Variants in SARDH observed in about 807,000 individuals in gnomAD.
SARDH encodes the protein sarcosine dehydrogenase, also known as sarcosine dehydrogenase, mitochondrial.
In SARDH, 95 loss-of-function variants were observed where a neutral mutation model predicts 109.1. The observed-to-expected ratio is 0.87, with a 90% CI of 0.74 to 1.03. The LOEUF (loss-of-function observed/expected upper bound fraction) is 1.03, where lower values mean the gene tolerates loss of function less well. SARDH is among the 50% of genes least tolerant of loss of function. SARDH has a pLI of 0.00. For synonymous variants in SARDH, 572 were observed against 534.8 expected (o/e 1.07, Z -0.96); for missense variants, 1,267 against 1,287.8 (o/e 0.98, Z 0.25).
At position 133,672,357 on chromosome 9, in the gene SARDH, G is replaced by C. The variant is rs542160925; in HGVS notation, c.2164-660C>G. Reference sequence around the variant, plus strand: ...ATTTCCAAACAAGGCCCCATTCACAGGTTCTGACGAGTTAGGATGTAGATA... The same window carrying C: ...ATTTCCAAACAAGGCCCCATTCACACGTTCTGACGAGTTAGGATGTAGATA... On this transcript the variant is annotated intron_variant, in intron 17 of 20. Transcript: ENST00000439388. Among the ~76,000 whole-genome samples, 38 of 152,334 alleles carry C rather than the reference G, an allele frequency of 2.5e-4. No homozygotes were observed. In the South Asian group the frequency reaches 6.2e-3, roughly 25 times the overall value.
downstream of SARDH, among the ~76,000 whole-genome samples, chr9:133,659,992 G>T (rs3025434): frequency 0.025 from 3,780 of 152,126 alleles, 175 homozygotes; most frequent in African/African-American, 0.087. Context: ...CCTCACCTGG[G>T]GCCCAAGAGC....
At position 133,724,707 on chromosome 9, in the gene SARDH, G is replaced by A. The variant is rs1163541698; in HGVS notation, c.915+5058C>T. Among the ~76,000 whole-genome samples, 6 of 147,608 alleles carry A rather than the reference G, an allele frequency of 4.1e-5. No homozygotes were observed. The Admixed American group carries it at 4.2e-4, about 10-fold the overall frequency. ...ATCTGAAATGCTTGGGACCAGCAGT[G>A]TTTCACATTTTTAATTTTTTTTTTG... is the stretch of plus-strand genomic sequence containing the variant. On this transcript the variant is annotated intron_variant, in intron 6 of 20. Coordinates refer to ENST00000439388, the MANE Select transcript of SARDH (RefSeq NM_001134707.2).
At chr9:133,730,821 C>CA (rs1435500329) in intron 4 of SARDH, among the ~76,000 whole-genome samples, 6 of 151,960 alleles carry the variant, frequency 3.9e-5, no homozygotes, top group Non-Finnish European at 8.8e-5. Context: ...ACTAAAAATA[C>CA]AAAAAATTAG....
At chr9:133,711,678 A>C (rs1375076750) in intron 10 of SARDH, among the ~76,000 whole-genome samples, 1 of 152,162 alleles carries the variant, frequency 6.6e-6, no homozygotes, top group Non-Finnish European at 1.5e-5. Context: ...CGAGGGGCGC[A>C]CCGAGCTGAG....
intron 13 of SARDH, among the ~76,000 whole-genome samples, chr9:133,701,840 C>A (rs1224369576): frequency 6.6e-6 from 1 of 152,242 alleles, no homozygotes; most frequent in Non-Finnish European, 1.5e-5. Flanking sequence ...ACGGTTTATT[C>A]CCTTCAGAAC....
Position 133,704,851 on chromosome 9 carries a change from C to A in SARDH, c.1554+97G>T. On this transcript the variant is annotated intron_variant, in intron 12 of 20. Coordinates refer to ENST00000439388, the MANE Select transcript of SARDH (RefSeq NM_001134707.2). This position sits in a 1 kb window ranked among gnomAD's most constrained non-coding sequence, Gnocchi z 4.5. ...ACGACAGTGGAACCACCTGGGGAGG[C>A]GGGGCACACGGAGGGGCAAGGACGG... 9.9e-7 allele frequency: 1 copy of A among 1,014,098 alleles called. No individual in the cohort carries two copies. Among genetic ancestry groups the A allele is most frequent in the South Asian group, 1.4e-5 (1 of 69,136 alleles). 62.8% of individuals were successfully genotyped at this position (1,014,098 alleles called of 1,614,324 possible). A position where few individuals can be genotyped will look rare whatever the true frequency, so the allele number is the denominator to read the frequency against.
rs374554775 is a variant in SARDH, at chr9:133,694,417, G to A, written c.1808-46C>T. ...CCGGGTCTGTGCTGAGGCCCCAGCC[G>A]GGTCTGTGCTGCCTCAGTTTCCCCA... On this transcript the variant is annotated intron_variant, in intron 14 of 20. Coordinates refer to ENST00000439388, the MANE Select transcript of SARDH (RefSeq NM_001134707.2). 57 of 1,472,474 alleles carry A rather than the reference G, an allele frequency of 3.9e-5. No individual in the cohort carries two copies. The African/African-American group carries it at 5.0e-4, about 13-fold the overall frequency. The allele number at this position is 1,472,474 out of a possible 1,614,324, so 91.2% of individuals were successfully genotyped here.
intron 16 of SARDH, 125 bp downstream of exon 16, chr9:133,690,255 T>A: frequency 9.5e-7 from 1 of 1,055,102 alleles, no homozygotes. Flanking sequence ...CATCTCTGGT[T>A]TACCAGAGCG....
At chr9:133,691,784 A>T (rs1176522140) in intron 15 of SARDH, among the ~76,000 whole-genome samples, 3 of 152,142 alleles carry the variant, frequency 2.0e-5, no homozygotes, top group Non-Finnish European at 4.4e-5. Flanking sequence ...CATAACTCAA[A>T]CAGTGCAGTT....
rs1229273543 is a variant in SARDH, at chr9:133,721,036, C to T, written c.916-1994G>A. On this transcript the variant is annotated intron_variant, in intron 6 of 20. Coordinates refer to ENST00000439388, the MANE Select transcript of SARDH (RefSeq NM_001134707.2). The stretch of plus-strand genomic sequence containing the variant: ...AAAAAAATAAGAATATCAGAAGGTC[C>T]GTCTTGAAAGTTCAACATCCATTTT... 6.6e-5 allele frequency among the ~76,000 whole-genome samples: 10 copies of T among 152,138 alleles called. No individual in the cohort carries two copies. In the East Asian group the frequency reaches 1.5e-3, roughly 23 times the overall value.
At chr9:133,667,161 C>T in intron 19 of SARDH, 6 of 522,320 alleles carry the variant, frequency 1.1e-5, no homozygotes, top group Admixed American at 3.5e-5. Context: ...AGGGCCCCTG[C>T]TTCCGATTTC....
intron 6 of SARDH, 41 bp downstream of exon 6, chr9:133,729,723 GC>G (rs765744096): frequency 2.6e-6 from 4 of 1,557,056 alleles, no homozygotes; most frequent in African/African-American, 1.3e-5. Flanking sequence ...AGGTCTCTGT[GC>G]CCCCCACAGA....
chr9:133,697,627 C>A (rs1422051987), intron 13 of SARDH, among the ~76,000 whole-genome samples: 3 of 152,154 alleles, frequency 2.0e-5, no homozygotes, highest in Non-Finnish European at 4.4e-5. Flanking sequence ...ATTCAAAAAT[C>A]AATTGATGTA....
At chr9:133,720,582 G>A (rs1268572885) in intron 6 of SARDH, among the ~76,000 whole-genome samples, 3 of 152,226 alleles carry the variant, frequency 2.0e-5, no homozygotes, top group African/African-American at 7.2e-5. Context: ...CATGGCTGGG[G>A]AGGCCTCACA....
At chr9:133,721,806 A>G (rs116095605) in intron 6 of SARDH, among the ~76,000 whole-genome samples, 162 of 152,348 alleles carry the variant, frequency 1.1e-3, no homozygotes, top group African/African-American at 3.7e-3. Flanking sequence ...ATCCAGCAAT[A>G]TATAAGAGAG....
intron 17 of SARDH, among the ~76,000 whole-genome samples, chr9:133,676,470 C>T (rs1384011783): frequency 6.6e-6 from 1 of 152,180 alleles, no homozygotes; most frequent in Non-Finnish European, 1.5e-5. Flanking sequence ...CCGAACTGTA[C>T]AATTAAATTA....
At position 133,690,712 on chromosome 9, in the gene SARDH, C is replaced by T. The variant is rs557737689; in HGVS notation, c.1922-185G>A. On this transcript the variant is annotated intron_variant, in intron 15 of 20. Transcript: ENST00000439388. ...CCCAGGGCCACGCCTTGCAGAGTATCCTCTGAGCCATGGGGGTTAGGAGAA... is the reference window on the plus strand; with the variant it reads ...CCCAGGGCCACGCCTTGCAGAGTATTCTCTGAGCCATGGGGGTTAGGAGAA... Among the ~76,000 whole-genome samples, 30 of 152,178 alleles carry T rather than the reference C, an allele frequency of 2.0e-4. No homozygotes were observed. In the South Asian group the frequency reaches 6.2e-3, roughly 32 times the overall value.
downstream of SARDH, chr9:133,663,514 G>C (rs1035216363): frequency 7.7e-6 from 2 of 260,372 alleles, no homozygotes; most frequent in African/African-American, 4.3e-5. Flanking sequence ...GCCCGCCACC[G>C]ATCAGTCAAG....
intron 17 of SARDH, among the ~76,000 whole-genome samples, chr9:133,673,316 C>T (rs1290277779): frequency 6.6e-6 from 1 of 152,250 alleles, no homozygotes; most frequent in Non-Finnish European, 1.5e-5. Flanking sequence ...CACTGACTCC[C>T]ATGGGAAGGC....
Sources: gnomAD v4.1 joint callset for allele counts (sites outside exome capture counted in the v4.1 genomes callset) on GRCh38, gnomAD v4.1.1 for gene constraint, Gnocchi (gnomAD v3.1) non-coding constraint, MANE v1.5 for transcripts, NCBI Gene and HGNC (gene_info 2026-07-23, HGNC 2026-07-21) for gene names.